The following CDH6 variants were observed in gnomAD, a reference collection of about 807,000 sequenced individuals.
The protein encoded by CDH6 is cadherin-6.
CDH6 carries 31 observed loss-of-function variants against 78.0 expected under a neutral mutation model. The observed-to-expected ratio is 0.40, with a 90% CI of 0.30 to 0.54. The LOEUF is 0.54. CDH6 is among the 20% of genes least tolerant of loss of function. The pLI is 0.56. For missense variants in CDH6, 724 were observed against 975.9 expected (o/e 0.74, Z 3.44); for synonymous variants, 376 against 368.8 (o/e 1.02, Z -0.23).
In CDH6 at chr5:31,327,537, T is replaced by C; in HGVS notation, c.*4229T>C. ...GGACTCAAAAATCCAAGCAGTCTAC[T>C]GTGTTTAAATTAACACCACAACCTT... On this transcript the variant is annotated 3_prime_UTR_variant, in exon 12 of 12. Transcript: ENST00000265071. 5.2e-6 allele frequency: 1 copy of C among 193,330 alleles called. No individual in the cohort carries two copies. Among genetic ancestry groups the C allele is most frequent in the Non-Finnish European group, 1.1e-5 (1 of 92,560 alleles). 12.0% of individuals were successfully genotyped at this position (193,330 alleles called of 1,614,324 possible). A position where few individuals can be genotyped will look rare whatever the true frequency, so the allele number is the denominator to read the frequency against.
At position 31,299,615 on chromosome 5, in the gene CDH6, T is replaced by G; in HGVS notation, c.795T>G (p.Pro265=). ...CACTGACTGATGTCAACGACAACCC[T>G]CCCCGATTCCCCCAGAGTAGGAACA... ...NITLTDVNDN[P]PRFPQSTYQF... Residue 265 remains proline, a synonymous_variant, in exon 5 of 12, where the codon CCT becomes CCG. Transcript: ENST00000265071. The G allele has an allele frequency of 6.2e-7, 1 of 1,612,736 alleles. No homozygotes were observed. Among genetic ancestry groups the G allele is most frequent in the Non-Finnish European group, 8.5e-7 (1 of 1,178,992 alleles).
At chr5:31,199,868 T>A (rs1164394515) in intron 1 of CDH6, among the ~76,000 whole-genome samples, 1 of 151,930 alleles carries the variant, frequency 6.6e-6, no homozygotes, top group Non-Finnish European at 1.5e-5. Flanking sequence ...TAGCAATAAT[T>A]ACACAGTAAA....
intron 1 of CDH6, among the ~76,000 whole-genome samples, chr5:31,260,735 G>A (rs1742190887): frequency 1.3e-5 from 2 of 152,126 alleles, no homozygotes; most frequent in African/African-American, 2.4e-5. Context: ...ATGATTCATT[G>A]GCACAAGAGA....
chr5:31,232,834 C>T (rs1477292232), intron 1 of CDH6, among the ~76,000 whole-genome samples: 1 of 152,174 alleles, frequency 6.6e-6, no homozygotes, highest in African/African-American at 2.4e-5. Flanking sequence ...ATGTACCATA[C>T]ACCAGGCATT....
intron 1 of CDH6, among the ~76,000 whole-genome samples, chr5:31,203,982 G>A (rs905737829): frequency 6.6e-6 from 1 of 152,128 alleles, no homozygotes; most frequent in Non-Finnish European, 1.5e-5. Flanking sequence ...AGTCACTTAC[G>A]AGTTAATGTA....
In CDH6 at chr5:31,200,599, T is replaced by C. The variant is rs536666545; in HGVS notation, c.-129+6713T>C. Among the ~76,000 whole-genome samples the C allele has an allele frequency of 6.9e-4, 85 of 124,064 alleles. 1 individual carries two copies. The highest frequency in any genetic ancestry group is 2.9e-3 in the South Asian group (11 of 3,782). 81.4% of individuals were successfully genotyped at this position (124,064 alleles called of 152,430 possible). ...ACACACACACACACACACACACACA[T>C]ATACACACCACTACCATGCCACCAG... On this transcript the variant is annotated intron_variant, in intron 1 of 11. Coordinates refer to ENST00000265071, the MANE Select transcript of CDH6 (RefSeq NM_004932.4).
chr5:31,292,205 A>G (rs1013705259), intron 2 of CDH6, among the ~76,000 whole-genome samples: 4 of 152,166 alleles, frequency 2.6e-5, no homozygotes, highest in African/African-American at 4.8e-5. Flanking sequence ...CTTTTTTGGA[A>G]AACTGGTATG....
intron 1 of CDH6, among the ~76,000 whole-genome samples, chr5:31,201,221 G>A (rs138939698): frequency 7.9e-5 from 12 of 152,240 alleles, no homozygotes; most frequent in African/African-American, 2.6e-4. Flanking sequence ...TAAGAATTTT[G>A]TGTGTTCCTA....
intron 7 of CDH6, among the ~76,000 whole-genome samples, chr5:31,310,353 C>T (rs1036356545): frequency 6.6e-6 from 1 of 152,248 alleles, no homozygotes; most frequent in African/African-American, 2.4e-5. Context: ...TGGCCTTGGG[C>T]AGCTCCATTC....
intron 1 of CDH6, among the ~76,000 whole-genome samples, chr5:31,245,946 C>T (rs1741735561): frequency 1.5e-5 from 2 of 129,448 alleles, no homozygotes; most frequent in Non-Finnish European, 3.1e-5. Context: ...TTTTGCTCGT[C>T]ACCCAGGCTG....
At chr5:31,277,143 C>A (rs1168724988) in intron 2 of CDH6, among the ~76,000 whole-genome samples, 1 of 152,132 alleles carries the variant, frequency 6.6e-6, no homozygotes, top group Admixed American at 6.6e-5. Context: ...TATGAAGTTG[C>A]CTTTATTATT....
chr5:31,279,179 G>T (rs1742787172), intron 2 of CDH6, among the ~76,000 whole-genome samples: 1 of 152,074 alleles, frequency 6.6e-6, no homozygotes, highest in Admixed American at 6.6e-5. Context: ...AGCTACAAAT[G>T]GCCTACCATT....
intron 1 of CDH6, among the ~76,000 whole-genome samples, chr5:31,237,256 A>G (rs4269292): frequency 0.98 from 149,667 of 152,186 alleles, 73,624 homozygotes; most frequent in East Asian, 1. Context: ...AGGAGCTCTC[A>G]GTAGACTCTC....
At chr5:31,321,854 G>A (rs1290107339) in intron 11 of CDH6, among the ~76,000 whole-genome samples, 1 of 152,110 alleles carries the variant, frequency 6.6e-6, no homozygotes, top group East Asian at 1.9e-4. Context: ...TTTTGGCCTA[G>A]ATGGCTGTTT....
At chr5:31,275,085 G>T (rs1039605856) in intron 2 of CDH6, among the ~76,000 whole-genome samples, 2 of 152,174 alleles carry the variant, frequency 1.3e-5, no homozygotes, top group African/African-American at 4.8e-5. Context: ...TTGCACCAGA[G>T]TTCTTCATTT....
intron 1 of CDH6, among the ~76,000 whole-genome samples, chr5:31,263,441 CTTTTTTT>C (rs35835971): frequency 5.8e-5 from 6 of 103,680 alleles, no homozygotes; most frequent in Admixed American, 1.1e-4. Context: ...TTTTTGGGGT[CTTTTTTT>C]TTTTTTTTTT....
In CDH6 at chr5:31,275,964, C is replaced by A. The variant is rs191139708; in HGVS notation, c.228+8263C>A. On this transcript the variant is annotated intron_variant, in intron 2 of 11. Coordinates refer to ENST00000265071, the MANE Select transcript of CDH6 (RefSeq NM_004932.4). ...CATACGGGAGGGGTCCTCCCTTTGA[C>A]AGCCTTCATCAAATTAGGAGATTAT... 1.5e-3 allele frequency among the ~76,000 whole-genome samples: 234 copies of A among 152,324 alleles called. 2 individuals are homozygous for A. Among genetic ancestry groups the A allele is most frequent in the Admixed American group, 0.013 (193 of 15,312 alleles).
intron 2 of CDH6, among the ~76,000 whole-genome samples, chr5:31,272,405 G>C (rs1299347502): frequency 6.6e-6 from 1 of 152,154 alleles, no homozygotes; most frequent in Non-Finnish European, 1.5e-5. Flanking sequence ...TAGAAAAATA[G>C]AGGGAAGCCT....
At chr5:31,196,660 C>T (rs1436489345) in intron 1 of CDH6, among the ~76,000 whole-genome samples, 1 of 152,122 alleles carries the variant, frequency 6.6e-6, no homozygotes, top group Non-Finnish European at 1.5e-5. Flanking sequence ...ATTCTCTAAG[C>T]ACTATCTTAA....
Sources: allele counts gnomAD v4.1 joint callset (sites outside exome capture counted in the v4.1 genomes callset), GRCh38; gene constraint gnomAD v4.1.1; transcripts MANE v1.5; gene names NCBI Gene and HGNC (gene_info 2026-07-23, HGNC 2026-07-21).